AIG1: variants seen among roughly 807,000 people sequenced by gnomAD.
AIG1 encodes the protein androgen induced 1, also known as androgen-induced gene 1 protein.
AIG1 carries 23 observed loss-of-function variants against 31.4 expected under a neutral mutation model. That is an observed-to-expected ratio of 0.73 (90% confidence interval 0.53 to 1.04). The LOEUF is 1.04. Among genes scored for constraint, AIG1 ranks in the 50% least tolerant of loss-of-function variants. The pLI, the probability that AIG1 is intolerant of heterozygous loss-of-function variation, is 0.00. For synonymous variants in AIG1, 100 were observed against 110.5 expected, an observed-to-expected ratio of 0.90 and a Z score of 0.60; for missense variants, 274 against 295.0, an observed-to-expected ratio of 0.93 and a Z score of 0.52.
At chr6:143,094,627 A>C (rs540202308) in intron 1 of AIG1, among the ~76,000 whole-genome samples, 5 of 152,180 alleles carry the variant, frequency 3.3e-5, no homozygotes, top group Admixed American at 6.5e-5. Flanking sequence ...TCAACCATAG[A>C]TCTGGGACTA....
chr6:143,178,294 G>A (rs1468326457), intron 3 of AIG1, among the ~76,000 whole-genome samples: 1 of 152,164 alleles, frequency 6.6e-6, no homozygotes, highest in Non-Finnish European at 1.5e-5. Context: ...GGAGATTTAG[G>A]GGTTTTTGGG....
At chr6:143,156,182 T>C (rs1181803250) in intron 2 of AIG1, among the ~76,000 whole-genome samples, 1 of 152,204 alleles carries the variant, frequency 6.6e-6, no homozygotes, top group Non-Finnish European at 1.5e-5. Context: ...AGGTCTCTTG[T>C]AGGTATATAA....
intron 4 of AIG1, among the ~76,000 whole-genome samples, chr6:143,321,973 A>G (rs1776252925): frequency 6.6e-6 from 1 of 152,190 alleles, no homozygotes; most frequent in Non-Finnish European, 1.5e-5. Flanking sequence ...GCCAATACGT[A>G]TTTGTTGAAT....
intron 4 of AIG1, among the ~76,000 whole-genome samples, chr6:143,312,338 G>A (rs942791426): frequency 1.4e-4 from 21 of 151,864 alleles, no homozygotes; most frequent in South Asian, 4.1e-4. Flanking sequence ...AATGAAAACA[G>A]CATAGTACTG....
chr6:143,296,504 C>T (rs1562566723), intron 4 of AIG1, among the ~76,000 whole-genome samples: 1 of 152,178 alleles, frequency 6.6e-6, no homozygotes, highest in Non-Finnish European at 1.5e-5. Context: ...ACAGGGACCC[C>T]TATCCTGCCC....
At chr6:143,332,899 C>A (rs994734070) in intron 4 of AIG1, among the ~76,000 whole-genome samples, 7 of 152,062 alleles carry the variant, frequency 4.6e-5, no homozygotes, top group African/African-American at 1.7e-4. Context: ...CACATGGGGT[C>A]CTGGATTGGA....
At chr6:143,216,789 G>GT (rs1291009541) in intron 3 of AIG1, among the ~76,000 whole-genome samples, 1 of 152,204 alleles carries the variant, frequency 6.6e-6, no homozygotes, top group Non-Finnish European at 1.5e-5. Flanking sequence ...CTTCCCTACA[G>GT]TGTCTTCCCC....
At chr6:143,342,705 A>G, downstream of AIG1, 11 of 1,146,482 alleles carry the variant, frequency 9.6e-6, no homozygotes, top group South Asian at 1.2e-4. Context: ...GACTTCAGAA[A>G]GGAGATTAAC....
At chr6:143,182,186 T>C (rs1788792205) in intron 3 of AIG1, among the ~76,000 whole-genome samples, 1 of 152,072 alleles carries the variant, frequency 6.6e-6, no homozygotes. Flanking sequence ...CCACCATGCA[T>C]GGCTAATTTT....
At chr6:143,265,422 C>T (rs1482489933) in intron 3 of AIG1, among the ~76,000 whole-genome samples, 7 of 152,144 alleles carry the variant, frequency 4.6e-5, no homozygotes, top group Admixed American at 1.3e-4. Context: ...TTGCCTTGAT[C>T]CCTGGCTGCT....
At chr6:143,198,444 G>T (rs1269229190) in intron 3 of AIG1, among the ~76,000 whole-genome samples, 5 of 152,196 alleles carry the variant, frequency 3.3e-5, no homozygotes, top group Non-Finnish European at 7.4e-5. Flanking sequence ...CTGTGGTGTT[G>T]GGAATAGATG....
chr6:143,098,364 T>C (rs532382674), intron 1 of AIG1, among the ~76,000 whole-genome samples: 4 of 152,218 alleles, frequency 2.6e-5, no homozygotes, highest in Admixed American at 6.5e-5. Context: ...AAAACTTGGA[T>C]TCTGGGAAGT....
chr6:143,116,252 A>G (rs1230338568), intron 1 of AIG1, among the ~76,000 whole-genome samples: 1 of 152,154 alleles, frequency 6.6e-6, no homozygotes, highest in Non-Finnish European at 1.5e-5. Flanking sequence ...GTTAATTGGC[A>G]TGCTGTGGTA....
intron 1 of AIG1, among the ~76,000 whole-genome samples, chr6:143,094,719 C>A (rs1195582829): frequency 6.6e-6 from 1 of 150,512 alleles, no homozygotes; most frequent in Non-Finnish European, 1.5e-5. Context: ...TAGCATTAGA[C>A]AAATATTTCC....
At chr6:143,220,606 C>T (rs1355244707) in intron 3 of AIG1, among the ~76,000 whole-genome samples, 1 of 152,194 alleles carries the variant, frequency 6.6e-6, no homozygotes, top group Non-Finnish European at 1.5e-5. Flanking sequence ...AATCTTGACT[C>T]TGCTATTTGG....
chr6:143,166,772 T>G (rs1159767886), intron 3 of AIG1, among the ~76,000 whole-genome samples: 1 of 152,170 alleles, frequency 6.6e-6, no homozygotes, highest in Non-Finnish European at 1.5e-5. Flanking sequence ...TATCATTAAA[T>G]TTTCACAGTG....
chr6:143,195,220 G>T (rs1013305416), intron 3 of AIG1, among the ~76,000 whole-genome samples: 1 of 152,134 alleles, frequency 6.6e-6, no homozygotes, highest in African/African-American at 2.4e-5. Context: ...GCTGAGTCTA[G>T]GGAACTTGGA....
intron 1 of AIG1, among the ~76,000 whole-genome samples, chr6:143,114,724 A>G (rs990162157): frequency 3.9e-5 from 6 of 152,218 alleles, no homozygotes; most frequent in Non-Finnish European, 5.9e-5. Flanking sequence ...CCATTATAGT[A>G]TCATGATTGT....
At chr6:143,195,094 G>T (rs1790115273) in intron 3 of AIG1, among the ~76,000 whole-genome samples, 1 of 152,170 alleles carries the variant, frequency 6.6e-6, no homozygotes, top group South Asian at 2.1e-4. Context: ...AATAAAAGAG[G>T]GGAAATTAAA....
Sources: allele counts gnomAD v4.1 joint callset (sites outside exome capture counted in the v4.1 genomes callset), GRCh38; gene constraint gnomAD v4.1.1; transcripts MANE v1.5; gene names NCBI Gene and HGNC (gene_info 2026-07-23, HGNC 2026-07-21).